BRDT: variants seen among roughly 807,000 people sequenced by gnomAD.
BRDT encodes bromodomain testis associated.
A neutral mutation model predicts 113.9 loss-of-function variants in BRDT; 77 were observed. The observed-to-expected ratio is 0.68, with a 90% CI of 0.56 to 0.82. The LOEUF (loss-of-function observed/expected upper bound fraction) is 0.82. BRDT is among the 40% of genes least tolerant of loss of function. The pLI is 0.00. For synonymous variants in BRDT, 358 were observed against 366.5 expected (o/e 0.98, Z 0.26); for missense variants, 1,027 against 1,105.4 (o/e 0.93, Z 1.01).
intron 1 of BRDT, among the ~76,000 whole-genome samples, chr1:91,962,243 A>G (rs1682558563): frequency 7.1e-6 from 1 of 141,254 alleles, no homozygotes; most frequent in Admixed American, 7.3e-5. Context: ...TATATAAAAA[A>G]TTTGTATTTG....
Position 91,994,230 on chromosome 1 carries a change from C to T in BRDT, c.2263C>T (p.Pro755Ser). The change falls in exon 15 of 19, where the codon CCT (proline) becomes TCT (serine). Residue 755 changes from proline to serine, a missense_variant. Physicochemically the swap from Pro to Ser is moderately conservative, Grantham distance 74. Coordinates refer to ENST00000399546, the MANE Select transcript of BRDT (RefSeq NM_207189.4). ...TTTACAGACTGTGAAAAACATTTCA[C>T]CTTTACAAATTCTGCCTCCCTCAGG... ...EHLQTVKNIS[P>S]LQILPPSGDS... 6.2e-7 allele frequency: 1 copy of T among 1,608,912 alleles called. No individual in the cohort carries two copies. Among genetic ancestry groups the T allele is most frequent in the Non-Finnish European group, 8.5e-7 (1 of 1,178,262 alleles).
At chr1:91,972,566 T>A (rs1683730197) in intron 4 of BRDT, among the ~76,000 whole-genome samples, 1 of 152,224 alleles carries the variant, frequency 6.6e-6, no homozygotes, top group East Asian at 1.9e-4. Context: ...AGGCATGCAG[T>A]AAATATTTAC....
At chr1:91,959,399 C>T (rs539262580) in intron 1 of BRDT, among the ~76,000 whole-genome samples, 15 of 144,896 alleles carry the variant, frequency 1.0e-4, no homozygotes, top group African/African-American at 1.5e-4. Context: ...TTTGTTCTTA[C>T]GATTTTTCTC....
chr1:91,972,173 C>CT (rs1372485351), intron 4 of BRDT, among the ~76,000 whole-genome samples: 1 of 152,168 alleles, frequency 6.6e-6, no homozygotes, highest in African/African-American at 2.4e-5. Flanking sequence ...TATTTGACTT[C>CT]TGTCAGTATT....
intron 1 of BRDT, among the ~76,000 whole-genome samples, chr1:91,953,516 C>T (rs1033540640): frequency 2.6e-5 from 4 of 151,904 alleles, no homozygotes; most frequent in Non-Finnish European, 4.4e-5. Context: ...CCCGTCTCTA[C>T]TAAAAATACA....
At chr1:91,971,196 A>G (rs1237004237) in intron 4 of BRDT, among the ~76,000 whole-genome samples, 2 of 152,106 alleles carry the variant, frequency 1.3e-5, no homozygotes, top group Non-Finnish European at 2.9e-5. Context: ...GACGGCACCA[A>G]GAGATTCATG....
At position 91,992,199 on chromosome 1, in the gene BRDT, A is replaced by G. The variant is rs973317279; in HGVS notation, c.2065-65A>G. The G allele has an allele frequency of 1.5e-5, 14 of 906,318 alleles. No individual in the cohort carries two copies. The African/African-American group carries it at 1.8e-4, about 11-fold the overall frequency. The allele number at this position is 906,318 out of a possible 1,614,324, so 56.1% of individuals were successfully genotyped here. A position where few individuals can be genotyped will look rare whatever the true frequency, so the allele number is the denominator to read the frequency against. On this transcript the variant is annotated intron_variant, in intron 13 of 18. Transcript: ENST00000399546. The stretch of plus-strand genomic sequence containing the variant: ...TTAAAAGAGCTCTAATTTGTGAAAA[A>G]GAAATATAATCACATGGTTAAGAGA...
At chr1:91,972,420 A>G (rs1433357132) in intron 4 of BRDT, among the ~76,000 whole-genome samples, 1 of 152,128 alleles carries the variant, frequency 6.6e-6, no homozygotes, top group Admixed American at 6.5e-5. Context: ...CCTAACACTT[A>G]GCATCACTTG....
chr1:91,979,832 T>A, intron 8 of BRDT, 75 bp downstream of exon 8: 1 of 1,413,824 alleles, frequency 7.1e-7, no homozygotes, highest in Non-Finnish European at 9.6e-7. Context: ...TCTGCAGATT[T>A]AAAGCTGTTA....
intron 18 of BRDT, among the ~76,000 whole-genome samples, chr1:92,005,972 A>G (rs1051097945): frequency 1.3e-5 from 2 of 152,194 alleles, no homozygotes; most frequent in African/African-American, 4.8e-5. Flanking sequence ...TAAAAGCTAC[A>G]GTTGATTCCT....
chr1:91,976,981 A>G (rs1570517458), intron 5 of BRDT, 62 bp from the exon 6 acceptor site: 2 of 1,303,996 alleles, frequency 1.5e-6, no homozygotes, highest in East Asian at 2.5e-5. Context: ...TTTAACTGAT[A>G]AGGAACTATG....
rs1162001248 is a variant in BRDT, at chr1:91,976,379, T to C, written c.559T>C (p.Ser187Pro). The change falls in exon 5 of 19, where the codon TCT becomes CCT. Residue 187 changes from serine to proline, a missense_variant. Ser to Pro is a moderately conservative substitution (Grantham distance 74, BLOSUM62 -1). Coordinates refer to ENST00000399546, the MANE Select transcript of BRDT (RefSeq NM_207189.4). ...IPSVFPKTSI[S>P]PLNVVQGASV... ...TTCTGTATTTCCTAAGACATCTATTTCTCCCTTGAACGTGGTACAGGGAGC... is the reference window on the plus strand; with the variant it reads ...TTCTGTATTTCCTAAGACATCTATTCCTCCCTTGAACGTGGTACAGGGAGC... 23 of 1,612,260 alleles carry C rather than the reference T, an allele frequency of 1.4e-5. No homozygotes were observed. Among genetic ancestry groups the C allele is most frequent in the Non-Finnish European group, 1.9e-5 (22 of 1,179,384 alleles).
chr1:91,978,389 C>T (rs115251537), intron 7 of BRDT, 93 bp downstream of exon 7: 34 of 1,410,376 alleles, frequency 2.4e-5, no homozygotes, highest in Non-Finnish European at 3.1e-5. Context: ...AGAATAATAA[C>T]TCCTACACCT....
At chr1:92,004,714 C>G (rs2101809084) in intron 17 of BRDT, 95 bp downstream of exon 17, 4 of 1,144,290 alleles carry the variant, frequency 3.5e-6, no homozygotes, top group South Asian at 1.8e-5. Flanking sequence ...TATGATTCAA[C>G]TGTTTAGTAG....
chr1:92,002,394 C>G (rs1469509724), intron 16 of BRDT, among the ~76,000 whole-genome samples: 2 of 151,982 alleles, frequency 1.3e-5, no homozygotes, highest in Non-Finnish European at 2.9e-5. Flanking sequence ...GATGGAGTCT[C>G]ACTCTGTCGC....
rs1684672605 is a variant in BRDT at position 91,981,044 on chromosome 1, C to G, written c.1616C>G (p.Ser539Ter). 6.2e-7 allele frequency: 1 copy of G among 1,613,932 alleles called. No individual in the cohort carries two copies. Among genetic ancestry groups the G allele is most frequent in the Non-Finnish European group, 8.5e-7 (1 of 1,180,000 alleles). ...GGGCGAGTAGTTCACATAATACAAT[C>G]AAGAGAGCCTTCTCTGAGCAATTCC... Reference protein sequence around the residue: ...KLGRVVHIIQSREPSLSNSNP... With the variant: ...KLGRVVHIIQ Residue 539 changes from serine (S) to a stop codon, truncating the protein, a stop_gained, in exon 10 of 19, where the codon TCA (serine) becomes TGA (stop). Transcript: ENST00000399546. LOFTEE classifies it high-confidence loss of function.
chr1:91,985,170 C>A (rs1685093225), intron 12 of BRDT, among the ~76,000 whole-genome samples: 1 of 152,156 alleles, frequency 6.6e-6, no homozygotes, highest in South Asian at 2.1e-4. Context: ...CAACCTCCGA[C>A]TCCCGGGTTC....
chr1:92,010,156 T>G (rs1388780987), intron 18 of BRDT, among the ~76,000 whole-genome samples: 1 of 152,142 alleles, frequency 6.6e-6, no homozygotes, highest in African/African-American at 2.4e-5. Flanking sequence ...TTGGAAAAAT[T>G]TTGGCCATTA....
At chr1:91,984,752 C>G (rs1451869586) in intron 12 of BRDT, among the ~76,000 whole-genome samples, 2 of 152,128 alleles carry the variant, frequency 1.3e-5, no homozygotes, top group Non-Finnish European at 2.9e-5. Context: ...CTGCCTCAGC[C>G]TGCCAAGTAG....
Sources: allele counts gnomAD v4.1 joint callset (sites outside exome capture counted in the v4.1 genomes callset), GRCh38; gene constraint gnomAD v4.1.1; transcripts MANE v1.5; gene names NCBI Gene and HGNC (gene_info 2026-07-23, HGNC 2026-07-21).